The following IWS1 variants were observed in gnomAD, a reference collection of about 807,000 sequenced individuals.
IWS1 encodes protein IWS1 homolog.
In IWS1, 27 loss-of-function variants were observed where a neutral mutation model predicts 86.7. The observed-to-expected ratio is 0.31, with a 90% CI of 0.23 to 0.43. IWS1 has a LOEUF of 0.43. IWS1 is among the 20% of genes least tolerant of loss of function. The probability of loss-of-function intolerance (pLI) is 1.00; values close to 1 mark genes in which losing one functional copy is unlikely to be tolerated. For synonymous variants in IWS1, 313 were observed against 335.1 expected (o/e 0.93, Z 0.72); for missense variants, 827 against 1,000.8 (o/e 0.83, Z 2.34).
At position 127,480,928 on chromosome 2, in the gene IWS1, C is replaced by G; in HGVS notation, c.*116G>C. The G allele has an allele frequency of 8.8e-7, 1 of 1,131,264 alleles. No homozygotes were observed. The highest frequency in any genetic ancestry group is 1.7e-5 in the South Asian group (1 of 58,520). 70.1% of individuals were successfully genotyped at this position (1,131,264 alleles called of 1,614,324 possible). On this transcript the variant is annotated 3_prime_UTR_variant, in exon 14 of 14. Transcript: ENST00000295321. ...AGAAATGTGAGTCCTATGACAACAT[C>G]TGATACACGCTGAACCATTTACAGA...
chr2:127,486,854 C>G (rs751144052), intron 12 of IWS1, among the ~76,000 whole-genome samples, 190 bp from the exon 13 acceptor site: 1 of 152,230 alleles, frequency 6.6e-6, no homozygotes, highest in Admixed American at 6.5e-5. Context: ...ACACACACTA[C>G]AGTATGCATT....
chr2:127,511,613 C>G (rs985685157), intron 2 of IWS1, among the ~76,000 whole-genome samples: 4 of 152,146 alleles, frequency 2.6e-5, no homozygotes, highest in African/African-American at 9.7e-5. Context: ...TTACATTTAT[C>G]TGATACACTG....
intron 2 of IWS1, among the ~76,000 whole-genome samples, chr2:127,506,297 G>C (rs1691144447): frequency 6.6e-6 from 1 of 152,148 alleles, no homozygotes; most frequent in African/African-American, 2.4e-5. Context: ...GAACCTGGGA[G>C]GCGGAGGTTG....
intron 2 of IWS1, chr2:127,506,563 C>A (rs932116583): frequency 6.4e-6 from 1 of 156,750 alleles, no homozygotes; most frequent in Non-Finnish European, 1.5e-5. Context: ...ATAATTTAAG[C>A]AAACAAAGAA....
At chr2:127,506,056 G>A (rs773461240) in intron 2 of IWS1, among the ~76,000 whole-genome samples, 60 of 152,086 alleles carry the variant, frequency 3.9e-4, no homozygotes, top group Non-Finnish European at 7.4e-4. Context: ...TTTAAAAGGC[G>A]AATTTTCTCA....
At chr2:127,526,578 C>G, upstream of IWS1, 2 of 1,390,906 alleles carry the variant, frequency 1.4e-6, no homozygotes. Flanking sequence ...ACGCCAGGCA[C>G]GGCCGGAAAG....
chr2:127,494,599 C>CA (rs1160037480), intron 8 of IWS1: 10 of 216,970 alleles, frequency 4.6e-5, no homozygotes, highest in East Asian at 1.0e-4. Flanking sequence ...CTGTCTTTAC[C>CA]AAAAAAACAA....
chr2:127,489,513 A>G lies in IWS1; in HGVS notation c.2160-278T>C, dbSNP rs960458943. On this transcript the variant is annotated intron_variant, in intron 11 of 13. Coordinates refer to ENST00000295321, the MANE Select transcript of IWS1 (RefSeq NM_017969.3). This position sits in a 1 kb window ranked among gnomAD's most constrained non-coding sequence, Gnocchi z 4.8. ...ACTATTATCAATACAAACTAAAACTATAACATTTTTTCTTCTAGGAACTCG... is the reference window on the plus strand; with the variant it reads ...ACTATTATCAATACAAACTAAAACTGTAACATTTTTTCTTCTAGGAACTCG... 2.0e-5 allele frequency: 10 copies of G among 498,944 alleles called. No individual in the cohort carries two copies. The highest frequency in any genetic ancestry group is 1.2e-4 in the South Asian group (4 of 33,328). 30.9% of individuals were successfully genotyped at this position (498,944 alleles called of 1,614,324 possible). A position where few individuals can be genotyped will look rare whatever the true frequency, so the allele number is the denominator to read the frequency against.
chr2:127,526,696 C>T (rs775896350), upstream of IWS1: 74 of 1,306,922 alleles, frequency 5.7e-5, no homozygotes, highest in Non-Finnish European at 7.1e-5. Flanking sequence ...GATTCTTTAT[C>T]ATTTCCTAGA....
intron 9 of IWS1, 23 bp from the exon 10 acceptor site, chr2:127,492,111 C>G: frequency 1.4e-6 from 2 of 1,476,364 alleles, no homozygotes; most frequent in Non-Finnish European, 1.9e-6. Flanking sequence ...AACACATACA[C>G]ACATATTAAT....
In IWS1 at chr2:127,481,003, G is replaced by A. The variant is rs774835319; in HGVS notation, c.*41C>T. 2.4e-5 allele frequency: 38 copies of A among 1,571,280 alleles called. No homozygotes were observed. Among genetic ancestry groups the A allele is most frequent in the Middle Eastern group, 3.4e-4 (2 of 5,806 alleles). On this transcript the variant is annotated 3_prime_UTR_variant, in exon 14 of 14. Coordinates refer to ENST00000295321, the MANE Select transcript of IWS1 (RefSeq NM_017969.3). Reference sequence around the variant, plus strand: ...CTTCTTTCTCCAAAGAGTCCATTGCGCATTTCTTAGAGTAGAGATGGGGAC... The same window carrying A: ...CTTCTTTCTCCAAAGAGTCCATTGCACATTTCTTAGAGTAGAGATGGGGAC...
At chr2:127,494,245 T>TA (rs11327472) in intron 8 of IWS1, among the ~76,000 whole-genome samples, 56 of 94,060 alleles carry the variant, frequency 6.0e-4, no homozygotes, top group African/African-American at 8.1e-4. Context: ...TGTCTCTAAT[T>TA]AAAAAAAAAA....
At chr2:127,517,569 G>C (rs980309023) in intron 2 of IWS1, among the ~76,000 whole-genome samples, 1 of 152,186 alleles carries the variant, frequency 6.6e-6, no homozygotes, top group Admixed American at 6.5e-5. Flanking sequence ...CAAAAAGTCA[G>C]GTAATAATTG....
chr2:127,517,901 C>G (rs944127984), intron 2 of IWS1, among the ~76,000 whole-genome samples: 1 of 152,198 alleles, frequency 6.6e-6, no homozygotes, highest in African/African-American at 2.4e-5. Flanking sequence ...GAATGAAGTA[C>G]TCATGTGTGC....
chr2:127,494,798 G>T, intron 8 of IWS1, 74 bp downstream of exon 8: 1 of 756,768 alleles, frequency 1.3e-6, no homozygotes, highest in Non-Finnish European at 2.2e-6. Context: ...AATATTCCTA[G>T]AACACCAGTA....
Position 127,505,321 on chromosome 2 carries a change from T to G in IWS1, c.582A>C (p.Gln194His). 1 of 1,611,564 alleles carries G rather than the reference T, an allele frequency of 6.2e-7. No homozygotes were observed. The highest frequency in any genetic ancestry group is 1.7e-5 in the Admixed American group (1 of 59,810). Residue 194 changes from glutamine to histidine, a missense_variant, in exon 3 of 14, where the codon CAA (glutamine) becomes CAC (histidine). Physicochemically the swap from Gln to His is conservative, Grantham distance 24. Coordinates refer to ENST00000295321, the MANE Select transcript of IWS1 (RefSeq NM_017969.3). This position sits in a 1 kb window ranked among gnomAD's most constrained non-coding sequence, Gnocchi z 5.0. ...GCTCCTCATTTTCGGAGTCACTGGC[T>G]TGGTGCCTTGGGGGTTCCTCACTCT... ...DSESEEPPRH[Q>H]ASDSENEEPP...
Position 127,499,023 on chromosome 2 carries a change from C to A in IWS1, c.1468-786G>T, listed in dbSNP as rs1690658968. 6.6e-6 allele frequency among the ~76,000 whole-genome samples: 1 copy of A among 152,090 alleles called. No individual in the cohort carries two copies. Among genetic ancestry groups the A allele is most frequent in the South Asian group, 2.1e-4 (1 of 4,826 alleles). On this transcript the variant is annotated intron_variant, in intron 5 of 13. Transcript: ENST00000295321. The surrounding 1 kb of genome is among the most constrained non-coding windows in gnomAD (Gnocchi z 4.0). ...TATAGCCCCCTACAAGTGACAGGAA[C>A]TGTACAATCCCCACATTTGTACAGT...
Position 127,505,329 on chromosome 2 carries a change from T to G in IWS1, c.574A>C (p.Arg192=). 1 of 1,613,962 alleles carries G rather than the reference T, an allele frequency of 6.2e-7. No individual in the cohort carries two copies. The highest frequency in any genetic ancestry group is 1.3e-5 in the African/African-American group (1 of 74,986). ...ISDSESEEPP[R]HQASDSENEE... is the part of the protein sequence containing the mutation. The stretch of plus-strand genomic sequence containing the variant: ...TTTTCGGAGTCACTGGCTTGGTGCC[T>G]TGGGGGTTCCTCACTCTCAGAGTCA... The change falls in exon 3 of 14, where the codon AGG becomes CGG. Residue 192 remains arginine (R), a synonymous_variant. Transcript: ENST00000295321. The surrounding 1 kb of genome is among the most constrained non-coding windows in gnomAD (Gnocchi z 5.0).
intron 12 of IWS1, chr2:127,488,223 T>C (rs1690037766): frequency 6.6e-6 from 1 of 152,318 alleles, no homozygotes; most frequent in African/African-American, 2.4e-5. Flanking sequence ...TCTTACTCTA[T>C]ACTCTCTTGA....
Sources: allele counts gnomAD v4.1 joint callset (sites outside exome capture counted in the v4.1 genomes callset), GRCh38; gene constraint gnomAD v4.1.1; non-coding constraint Gnocchi (gnomAD v3.1); transcripts MANE v1.5; gene names NCBI Gene and HGNC (gene_info 2026-07-23, HGNC 2026-07-21).